The following MYH9 variants were observed in gnomAD, a reference collection of about 807,000 sequenced individuals.
MYH9 encodes myosin-9.
MYH9 carries 29 observed loss-of-function variants against 241.9 expected under a neutral mutation model. That is an observed-to-expected ratio of 0.12 (90% CI 0.09 to 0.16). MYH9 has a LOEUF of 0.16. Among genes scored for constraint, MYH9 ranks in the 10% least tolerant of loss-of-function variants. MYH9 has a pLI of 1.00. For synonymous variants in MYH9, 1,047 were observed against 1,062.6 expected (o/e 0.99, Z 0.29); for missense variants, 1,803 against 2,595.5 (o/e 0.69, Z 6.63).
intron 1 of MYH9, among the ~76,000 whole-genome samples, chr22:36,360,530 G>A (rs898753792): frequency 1.6e-4 from 24 of 151,876 alleles, no homozygotes; most frequent in African/African-American, 5.6e-4. Flanking sequence ...TGGCTAACAC[G>A]GTGAAACCCC....
chr22:36,299,491 C>G (rs566783157), intron 23 of MYH9, among the ~76,000 whole-genome samples: 1 of 152,324 alleles, frequency 6.6e-6, no homozygotes, highest in East Asian at 1.9e-4. Context: ...GCTTTCTGTT[C>G]TGTGTGGCCC....
At chr22:36,326,343 T>C (rs911867630) in intron 5 of MYH9, among the ~76,000 whole-genome samples, 11 of 152,204 alleles carry the variant, frequency 7.2e-5, no homozygotes, top group Non-Finnish European at 1.5e-4. Flanking sequence ...CCAGTTTCCA[T>C]AGCAACTCAG....
rs573300410 is a variant in MYH9, at chr22:36,310,202, G to A, written c.1729-806C>T. Among the ~76,000 whole-genome samples the A allele has an allele frequency of 1.2e-3, 188 of 151,948 alleles. 1 individual carries two copies. The highest frequency in any genetic ancestry group is 3.8e-3 in the African/African-American group (156 of 41,448). On this transcript the variant is annotated intron_variant, in intron 14 of 40. Transcript: ENST00000216181. The stretch of plus-strand genomic sequence containing the variant: ...GGAGGATCGCTTGAACCTGGGAGAC[G>A]GAGGTTGCAGTGAGCCGAGATCGTG...
At chr22:36,301,693 T>A in intron 20 of MYH9, 28 bp from the exon 21 acceptor site, 1 of 1,610,686 alleles carries the variant, frequency 6.2e-7, no homozygotes, top group Non-Finnish European at 8.5e-7. Context: ...GGTAGAGACA[T>A]GCTCGGCTGG....
intron 9 of MYH9, chr22:36,319,841 A>C: frequency 1.5e-6 from 1 of 661,228 alleles, no homozygotes; most frequent in Non-Finnish European, 2.7e-6. Context: ...CTCCTGGCCG[A>C]CATGGCCTGT....
In MYH9 at chr22:36,288,238, C is replaced by T. The variant is rs1232139153; in HGVS notation, c.4932+14G>A. 1 of 1,613,372 alleles carries T rather than the reference C, an allele frequency of 6.2e-7. No individual in the cohort carries two copies. Among genetic ancestry groups the T allele is most frequent in the Non-Finnish European group, 8.5e-7 (1 of 1,179,934 alleles). The stretch of plus-strand genomic sequence containing the variant: ...GGTGCCGCCCACCCTCACCTGGGCC[C>T]CGCCCACCCTTACCTGCAGCTTCCG... On this transcript the variant is annotated intron_variant, in intron 34 of 40. Transcript: ENST00000216181. This position sits in a 1 kb window ranked among gnomAD's most constrained non-coding sequence, Gnocchi z 4.8.
intron 1 of MYH9, among the ~76,000 whole-genome samples, 153 bp from the exon 2 acceptor site, chr22:36,349,408 C>T (rs938306611): frequency 2.6e-5 from 4 of 152,172 alleles, no homozygotes; most frequent in Admixed American, 6.5e-5. Flanking sequence ...TTGCTCCACA[C>T]TTTTGGGATA....
intron 6 of MYH9, 88 bp from the exon 7 acceptor site, chr22:36,321,909 C>A: frequency 1.7e-6 from 2 of 1,195,830 alleles, no homozygotes; most frequent in Non-Finnish European, 2.5e-6. Context: ...CCCCGCCCCA[C>A]CTCCGGTGGG....
chr22:36,342,898 A>C (rs1398700939), intron 2 of MYH9, among the ~76,000 whole-genome samples: 2 of 152,118 alleles, frequency 1.3e-5, no homozygotes, highest in Non-Finnish European at 2.9e-5. Context: ...TCCAATGCCA[A>C]CCTCCTTGGT....
At position 36,281,969 on chromosome 22, in the gene MYH9, C is replaced by T. The variant is rs969193817; in HGVS notation, c.*699G>A. The T allele has an allele frequency of 3.0e-5, 7 of 233,020 alleles. No individual in the cohort carries two copies. The highest frequency in any genetic ancestry group is 1.1e-4 in the African/African-American group (5 of 45,268). The allele number at this position is 233,020 out of a possible 1,614,324, so 14.4% of individuals were successfully genotyped here. A position where few individuals can be genotyped will look rare whatever the true frequency, so the allele number is the denominator to read the frequency against. On this transcript the variant is annotated 3_prime_UTR_variant, in exon 41 of 41. Coordinates refer to ENST00000216181, the MANE Select transcript of MYH9 (RefSeq NM_002473.6). Reference sequence around the variant, plus strand: ...TGCTGTGGCAGAGGCAGGCTGTCCTCGGTAAAGGAGGGGAGGGGGCATTGC... The same window carrying T: ...TGCTGTGGCAGAGGCAGGCTGTCCTTGGTAAAGGAGGGGAGGGGGCATTGC...
intron 5 of MYH9, 53 bp downstream of exon 5, chr22:36,326,515 C>T: frequency 6.7e-7 from 1 of 1,493,670 alleles, no homozygotes; most frequent in Non-Finnish European, 9.3e-7. Flanking sequence ...CTTCCTCCAT[C>T]ATCCCACCAA....
chr22:36,325,076 C>G (rs758849654), intron 5 of MYH9: 5 of 774,744 alleles, frequency 6.5e-6, no homozygotes, highest in African/African-American at 1.7e-5. Flanking sequence ...TGGAAAAGCA[C>G]AGCTAGAGAA....
At chr22:36,341,969 TGA>T (rs2017598054) in intron 2 of MYH9, among the ~76,000 whole-genome samples, 1 of 152,232 alleles carries the variant, frequency 6.6e-6, no homozygotes, top group East Asian at 1.9e-4. Flanking sequence ...TGAAGGACGC[TGA>T]GAGATAGTGA....
Position 36,320,640 on chromosome 22 carries a change from G to A in MYH9, c.868+158C>T, listed in dbSNP as rs867892781. Among the ~76,000 whole-genome samples, 10 of 152,324 alleles carry A rather than the reference G, an allele frequency of 6.6e-5. No individual in the cohort carries two copies. In the Middle Eastern group the frequency reaches 0.01, roughly 155 times the overall value. Reference sequence around the variant, plus strand: ...GGCATGGTCAGAAACAGAAGACCAAGTCCTTAGGATGGCGCAGAGAACAGG... The same window carrying A: ...GGCATGGTCAGAAACAGAAGACCAAATCCTTAGGATGGCGCAGAGAACAGG... On this transcript the variant is annotated intron_variant, in intron 8 of 40. Coordinates refer to ENST00000216181, the MANE Select transcript of MYH9 (RefSeq NM_002473.6). The surrounding 1 kb of genome is among the most constrained non-coding windows in gnomAD (Gnocchi z 4.8).
At chr22:36,384,476 G>T (rs552202440) in intron 1 of MYH9, among the ~76,000 whole-genome samples, 2 of 146,568 alleles carry the variant, frequency 1.4e-5, no homozygotes, top group Non-Finnish European at 3.0e-5. Flanking sequence ...CCAGCTACTC[G>T]GGAGGCTGAG....
chr22:36,336,947 T>G (rs8135022), intron 3 of MYH9, among the ~76,000 whole-genome samples: 9,102 of 152,272 alleles, frequency 0.06, 419 homozygotes, highest in Non-Finnish European at 0.097. Flanking sequence ...GTCACCTACC[T>G]CCACGGCCTA....
At chr22:36,373,681 C>T (rs2018122034) in intron 1 of MYH9, among the ~76,000 whole-genome samples, 1 of 152,204 alleles carries the variant, frequency 6.6e-6, no homozygotes, top group South Asian at 2.1e-4. Flanking sequence ...ACCTCTTGTT[C>T]ATCTGCATCC....
chr22:36,295,159 G>T lies in MYH9; in HGVS notation c.3486-83C>A. 1.3e-6 allele frequency: 2 copies of T among 1,591,384 alleles called. No individual in the cohort carries two copies. The highest frequency in any genetic ancestry group is 8.6e-7 in the Non-Finnish European group (1 of 1,162,818). Reference sequence around the variant, plus strand: ...TGGGGCTCTTCCCTGACCAAAGAGAGGCCTGGCCAGGGCACAGGCACTCCA... The same window carrying T: ...TGGGGCTCTTCCCTGACCAAAGAGATGCCTGGCCAGGGCACAGGCACTCCA... On this transcript the variant is annotated intron_variant, in intron 26 of 40. Transcript: ENST00000216181. The surrounding 1 kb of genome is among the most constrained non-coding windows in gnomAD (Gnocchi z 4.1).
intron 1 of MYH9, among the ~76,000 whole-genome samples, chr22:36,367,859 C>T (rs953479814): frequency 6.6e-6 from 1 of 152,212 alleles, no homozygotes; most frequent in Non-Finnish European, 1.5e-5. Flanking sequence ...CAGGCCCCCT[C>T]CTCCCCTCCC....
Sources: allele counts gnomAD v4.1 joint callset (sites outside exome capture counted in the v4.1 genomes callset), GRCh38; gene constraint gnomAD v4.1.1; non-coding constraint Gnocchi (gnomAD v3.1); transcripts MANE v1.5; gene names NCBI Gene and HGNC (gene_info 2026-07-23, HGNC 2026-07-21).